The following UNC79 variants were observed in gnomAD, a reference collection of about 807,000 sequenced individuals.
UNC79 encodes unc-79 subunit of NALCN channel complex.
A neutral mutation model predicts 283.1 loss-of-function variants in UNC79; 37 were observed. That is an observed-to-expected ratio of 0.13 (90% CI 0.10 to 0.17). The LOEUF is 0.17. Among genes scored for constraint, UNC79 ranks in the 10% least tolerant of loss-of-function variants. The pLI is 1.00. For synonymous variants in UNC79, 1,107 were observed against 1,200.2 expected, an observed-to-expected ratio of 0.92 and a Z score of 1.61; for missense variants, 2,272 against 3,211.1, an observed-to-expected ratio of 0.71 and a Z score of 7.07.
At position 93,643,989 on chromosome 14, in the gene UNC79, C is replaced by T. The variant is rs558582141; in HGVS notation, c.6044+292C>T. ...AAATGAGCTAATGGTTGTAACCACG[C>T]ACACAACTGTCAGCAGTTGATAGTA... On this transcript the variant is annotated intron_variant, in intron 34 of 48. Coordinates refer to ENST00000555664, the Ensembl canonical transcript of UNC79. 6.6e-5 allele frequency among the ~76,000 whole-genome samples: 10 copies of T among 152,328 alleles called. No individual in the cohort carries two copies. The South Asian group carries it at 1.9e-3, about 28-fold the overall frequency.
At chr14:93,662,746 A>G in intron 40 of UNC79, 32 bp downstream of exon 43, 1 of 1,501,386 alleles carries the variant, frequency 6.7e-7, no homozygotes, top group Non-Finnish European at 9.2e-7. Context: ...TGTTCCTGTG[A>G]AACTGAAAAC....
chr14:93,435,753 C>T (rs1303795502), intron 1 of UNC79, among the ~76,000 whole-genome samples: 1 of 152,198 alleles, frequency 6.6e-6, no homozygotes, highest in African/African-American at 2.4e-5. Context: ...CATTCCCAAG[C>T]CTTGTTGATT....
intron 37 of UNC79, 95 bp from the exon 41 acceptor site, chr14:93,655,139 C>A: frequency 7.1e-7 from 1 of 1,412,436 alleles, no homozygotes; most frequent in Non-Finnish European, 9.7e-7. Flanking sequence ...CGTTTATAGC[C>A]TGAAGATGTG....
chr14:93,419,956 C>T (rs1260942671), intron 1 of UNC79, among the ~76,000 whole-genome samples: 1 of 151,310 alleles, frequency 6.6e-6, no homozygotes, highest in African/African-American at 2.4e-5. Flanking sequence ...CCTAATCACT[C>T]TCTATTATTC....
intron 30 of UNC79, among the ~76,000 whole-genome samples, chr14:93,629,014 C>T (rs1375063503): frequency 6.6e-6 from 1 of 152,100 alleles, no homozygotes; most frequent in Non-Finnish European, 1.5e-5. Context: ...GTCTGGCCAA[C>T]ATGGTGAAAC....
At chr14:93,534,184 T>C (rs2141094284) in intron 11 of UNC79, among the ~76,000 whole-genome samples, 1 of 152,342 alleles carries the variant, frequency 6.6e-6, no homozygotes, top group East Asian at 1.9e-4. Flanking sequence ...AGGAATAGCA[T>C]ACATGCCTTG....
intron 31 of UNC79, 81 bp downstream of exon 33, chr14:93,630,989 T>A (rs1482850945): frequency 1.3e-5 from 16 of 1,279,002 alleles, no homozygotes; most frequent in Admixed American, 8.9e-5. Context: ...ATTTTCCCAA[T>A]CTTGGTATTG....
chr14:93,460,288 T>A (rs539467383), intron 1 of UNC79, among the ~76,000 whole-genome samples: 1 of 145,102 alleles, frequency 6.9e-6, no homozygotes, highest in East Asian at 2.2e-4. Flanking sequence ...GGCGGGCAGA[T>A]CATGAGGTCA....
intron 5 of UNC79, among the ~76,000 whole-genome samples, chr14:93,489,145 C>T (rs2058602421): frequency 6.6e-6 from 1 of 152,092 alleles, no homozygotes; most frequent in South Asian, 2.1e-4. Flanking sequence ...CATTATGTTT[C>T]CCAGACTGGC....
chr14:93,525,496 G>A (rs2060507507), intron 8 of UNC79, among the ~76,000 whole-genome samples: 1 of 152,036 alleles, frequency 6.6e-6, no homozygotes, highest in Non-Finnish European at 1.5e-5. Flanking sequence ...GGAAGTGTAG[G>A]CCCTTCCCAT....
intron 24 of UNC79, 120 bp downstream of exon 24, chr14:93,597,660 G>GTAT: frequency 8.9e-7 from 1 of 1,125,806 alleles, no homozygotes; most frequent in East Asian, 2.6e-5. Context: ...CATAAACTGG[G>GTAT]TAGTTTATAA....
intron 48 of UNC79, 22 bp from the exon 52 acceptor site, chr14:93,706,682 A>T: frequency 6.2e-7 from 1 of 1,613,034 alleles, no homozygotes; most frequent in Non-Finnish European, 8.5e-7. Context: ...ATAAACTAAA[A>T]CCTCTTGCCC....
chr14:93,374,407 G>T (rs935769010), intron 1 of UNC79, among the ~76,000 whole-genome samples: 1 of 152,188 alleles, frequency 6.6e-6, no homozygotes. Context: ...CAGCTTTAAG[G>T]TTTAATGTTT....
chr14:93,501,993 A>G (rs749141292), intron 7 of UNC79, among the ~76,000 whole-genome samples: 1 of 152,360 alleles, frequency 6.6e-6, no homozygotes, highest in Non-Finnish European at 1.5e-5. Context: ...CATAGTTAAC[A>G]TAGGAATATT....
chr14:93,643,470 A>C (rs1276317056), intron 33 of UNC79, 87 bp from the exon 37 acceptor site: 3 of 1,601,264 alleles, frequency 1.9e-6, no homozygotes, highest in Non-Finnish European at 2.6e-6. Context: ...TCCAAGACCT[A>C]CTAAAAACAG....
intron 10 of UNC79, among the ~76,000 whole-genome samples, 186 bp downstream of exon 10, chr14:93,529,512 C>T (rs552294215): frequency 6.7e-4 from 102 of 152,126 alleles, no homozygotes; most frequent in African/African-American, 2.4e-3. Context: ...TTTAATAATG[C>T]GGGAAGTAGT....
intron 1 of UNC79, among the ~76,000 whole-genome samples, chr14:93,414,271 T>G (rs1401137330): frequency 6.6e-6 from 1 of 152,260 alleles, no homozygotes; most frequent in Non-Finnish European, 1.5e-5. Context: ...CCAGTGCCAT[T>G]ATTAAATAGG....
At chr14:93,666,564 A>G (rs1052584579) in intron 40 of UNC79, among the ~76,000 whole-genome samples, 6 of 152,206 alleles carry the variant, frequency 3.9e-5, no homozygotes, top group Admixed American at 3.9e-4. Flanking sequence ...ATAATGTGAC[A>G]ATTCAAAAAT....
intron 1 of UNC79, among the ~76,000 whole-genome samples, chr14:93,344,916 G>T (rs571891565): frequency 6.6e-6 from 1 of 152,226 alleles, no homozygotes; most frequent in Admixed American, 6.5e-5. Context: ...ATGTAACATG[G>T]GCTGGGCATG....
Sources: gnomAD v4.1 joint callset for allele counts (sites outside exome capture counted in the v4.1 genomes callset) on GRCh38, gnomAD v4.1.1 for gene constraint, MANE v1.5 for transcripts, NCBI Gene and HGNC (gene_info 2026-07-23, HGNC 2026-07-21) for gene names.